SRGAP3: variants seen among roughly 807,000 people sequenced by gnomAD.
SRGAP3 encodes the protein SLIT-ROBO Rho GTPase activating protein 3.
In SRGAP3, 39 loss-of-function variants were observed where a neutral mutation model predicts 121.1. The ratio of observed to expected loss-of-function variants is 0.32; its 90% CI spans 0.25 to 0.42. SRGAP3 has a LOEUF of 0.42. Among genes scored for constraint, SRGAP3 ranks in the 10% least tolerant of loss-of-function variants. SRGAP3 has a pLI of 1.00. For synonymous variants in SRGAP3, 601 were observed against 570.0 expected, an observed-to-expected ratio of 1.05 and a Z score of -0.77; for missense variants, 1,213 against 1,470.6, an observed-to-expected ratio of 0.82 and a Z score of 2.86.
At chr3:9,056,166 G>C in intron 8 of SRGAP3, 67 bp downstream of exon 8, 1 of 1,476,092 alleles carries the variant, frequency 6.8e-7, no homozygotes, top group Middle Eastern at 1.7e-4. Flanking sequence ...CGTGGCACAA[G>C]TGGACTCCCT....
At chr3:9,025,884 T>C (rs1191491491) in intron 13 of SRGAP3, among the ~76,000 whole-genome samples, 1 of 152,228 alleles carries the variant, frequency 6.6e-6, no homozygotes, top group Non-Finnish European at 1.5e-5. Context: ...TGTTTTTCTA[T>C]ATAAAACAAT....
intron 10 of SRGAP3, 104 bp from the exon 11 acceptor site, chr3:9,038,194 T>C (rs1944855154): frequency 1.4e-6 from 2 of 1,458,944 alleles, no homozygotes; most frequent in Non-Finnish European, 1.9e-6. Context: ...TAATTATTTA[T>C]GAAATATGAA....
At chr3:9,016,671 C>T (rs546266069) in intron 14 of SRGAP3, among the ~76,000 whole-genome samples, 12 of 152,286 alleles carry the variant, frequency 7.9e-5, no homozygotes, top group East Asian at 7.7e-4. Flanking sequence ...TACTCTGAGA[C>T]GACCGTGTGC....
intron 1 of SRGAP3, among the ~76,000 whole-genome samples, chr3:9,342,822 AC>A: frequency 6.6e-6 from 1 of 152,190 alleles, no homozygotes. Context: ...AGGCAGAAGA[AC>A]CTCCAGAGTG....
At chr3:9,002,739 C>T (rs1421218013) in intron 18 of SRGAP3, among the ~76,000 whole-genome samples, 1 of 151,932 alleles carries the variant, frequency 6.6e-6, no homozygotes, top group Non-Finnish European at 1.5e-5. Context: ...TGATTAGAAT[C>T]AGATATGAAA....
At chr3:9,179,713 G>A (rs1346299139) in intron 1 of SRGAP3, among the ~76,000 whole-genome samples, 1 of 152,218 alleles carries the variant, frequency 6.6e-6, no homozygotes, top group African/African-American at 2.4e-5. Flanking sequence ...AGAATCAACC[G>A]AGGGCATAAT....
At chr3:9,310,068 C>T (rs371030974) in intron 3 of SRGAP3, among the ~76,000 whole-genome samples, 15 of 152,278 alleles carry the variant, frequency 9.9e-5, no homozygotes, top group African/African-American at 3.6e-4. Context: ...TGTTTGATCC[C>T]TTTCTTGTTA....
intron 1 of SRGAP3, among the ~76,000 whole-genome samples, chr3:9,360,946 T>A (rs1298352202): frequency 6.6e-6 from 1 of 152,222 alleles, no homozygotes; most frequent in African/African-American, 2.4e-5. Context: ...AACTTGGAAC[T>A]GTTGATTTTT....
At chr3:9,184,412 C>T (rs1460496147) in intron 1 of SRGAP3, among the ~76,000 whole-genome samples, 3 of 152,058 alleles carry the variant, frequency 2.0e-5, no homozygotes, top group South Asian at 2.1e-4. Context: ...GTCTTTTGAG[C>T]GTCAGTTTCT....
chr3:9,163,133 T>G (rs1449347605), intron 1 of SRGAP3, among the ~76,000 whole-genome samples: 1 of 152,206 alleles, frequency 6.6e-6, no homozygotes, highest in East Asian at 1.9e-4. Context: ...GAACAATCGC[T>G]GTTAACATCA....
At chr3:9,270,256 G>T (rs1455711208) in intron 3 of SRGAP3, among the ~76,000 whole-genome samples, 1 of 152,050 alleles carries the variant, frequency 6.6e-6, no homozygotes, top group African/African-American at 2.4e-5. Context: ...TTTATAATTA[G>T]AAAAAACACA....
intron 1 of SRGAP3, among the ~76,000 whole-genome samples, chr3:9,142,014 T>C (rs1440889575): frequency 1.3e-5 from 2 of 152,220 alleles, no homozygotes; most frequent in African/African-American, 4.8e-5. Flanking sequence ...TGTTGGAATA[T>C]GCACATACCC....
intron 3 of SRGAP3, among the ~76,000 whole-genome samples, chr3:9,324,956 CA>C (rs879672779): frequency 1.2e-3 from 163 of 140,870 alleles, no homozygotes; most frequent in Non-Finnish European, 1.2e-3. Context: ...GACTCCATCT[CA>C]AAAAAAAAAA....
chr3:9,334,315 A>T (rs536727502), intron 1 of SRGAP3, among the ~76,000 whole-genome samples: 1 of 152,246 alleles, frequency 6.6e-6, no homozygotes, highest in Admixed American at 6.5e-5. Flanking sequence ...TGCTAGAGAG[A>T]TTGGAAATAA....
intron 3 of SRGAP3, among the ~76,000 whole-genome samples, chr3:9,301,421 A>C (rs1364099560): frequency 6.6e-6 from 1 of 152,232 alleles, no homozygotes; most frequent in Non-Finnish European, 1.5e-5. Context: ...TAAAGGCTCC[A>C]TGGCTAACTT....
In SRGAP3 at chr3:9,291,169, A is replaced by G. The variant is rs536005951; in HGVS notation, n.442+34841T>C. ...TCACATTGATGTGTATACATGATCA[A>G]TTCATCTCGGCACTTTCTGACTCAA... On this transcript the variant is annotated intron_variant and non_coding_transcript_variant, in intron 3 of 3. Transcript: ENST00000490889. 3.0e-3 allele frequency among the ~76,000 whole-genome samples: 450 copies of G among 152,316 alleles called. 1 individual carries two copies. The highest frequency in any genetic ancestry group is 5.6e-3 in the Non-Finnish European group (379 of 68,026).
chr3:9,101,013 T>A (rs186713450), intron 3 of SRGAP3, among the ~76,000 whole-genome samples: 91 of 152,296 alleles, frequency 6.0e-4, no homozygotes, highest in Non-Finnish European at 1.2e-4. Flanking sequence ...AACTGACAGG[T>A]TTCCATGTGA....
chr3:9,279,803 G>A (rs1199577027), intron 3 of SRGAP3, among the ~76,000 whole-genome samples: 1 of 152,112 alleles, frequency 6.6e-6, no homozygotes, highest in Non-Finnish European at 1.5e-5. Flanking sequence ...GTGAGCCACT[G>A]CACCCGACCA....
At chr3:9,029,241 A>T (rs1944360473) in intron 12 of SRGAP3, among the ~76,000 whole-genome samples, 1 of 152,198 alleles carries the variant, frequency 6.6e-6, no homozygotes, top group Admixed American at 6.5e-5. Context: ...AACATAACAT[A>T]TAGTGGCTCA....
Sources: allele counts gnomAD v4.1 joint callset (sites outside exome capture counted in the v4.1 genomes callset), GRCh38; gene constraint gnomAD v4.1.1; transcripts MANE v1.5; gene names NCBI Gene and HGNC (gene_info 2026-07-23, HGNC 2026-07-21).